PRPF6: variants seen among roughly 807,000 people sequenced by gnomAD.
The protein encoded by PRPF6 is pre-mRNA processing factor 6, also known as pre-mRNA-processing factor 6.
A neutral mutation model predicts 118.3 loss-of-function variants in PRPF6; 42 were observed. The observed-to-expected ratio is 0.35, with a 90% confidence interval of 0.28 to 0.46. PRPF6 has a LOEUF of 0.46. PRPF6 is among the 20% of genes least tolerant of loss of function. The probability of loss-of-function intolerance (pLI) is 1.00; values close to 1 mark genes in which losing one functional copy is unlikely to be tolerated. For synonymous variants in PRPF6, 481 were observed against 485.1 expected (o/e 0.99, Z 0.11); for missense variants, 662 against 1,255.7 (o/e 0.53, Z 7.15).
Position 64,028,585 on chromosome 20 carries a change from G to A in PRPF6, c.2431+16G>A, listed in dbSNP as rs772300293. 2.4e-5 allele frequency: 38 copies of A among 1,606,350 alleles called. No homozygotes were observed. The Middle Eastern group carries it at 1.0e-3, about 42-fold the overall frequency. On this transcript the variant is annotated intron_variant, in intron 18 of 20. Transcript: ENST00000266079. The surrounding 1 kb of genome is among the most constrained non-coding windows in gnomAD (Gnocchi z 6.5). ...CCCAACTCCGGTAAGGGGGTGCCCC[G>A]ACTCCGGTAAGGGGGTGCCCTGACT...
chr20:64,018,955 T>G (rs1368329860), intron 12 of PRPF6, among the ~76,000 whole-genome samples: 3 of 152,214 alleles, frequency 2.0e-5, no homozygotes, highest in African/African-American at 7.2e-5. Flanking sequence ...CACACATGAT[T>G]CTTTTGCACC....
Position 64,011,206 on chromosome 20 carries a change from G to C in PRPF6, c.1306-79G>C, listed in dbSNP as rs1298040128. 2.2e-6 allele frequency: 3 copies of C among 1,355,986 alleles called. No individual in the cohort carries two copies. The African/African-American group carries it at 4.3e-5, about 19-fold the overall frequency. 84.0% of individuals were successfully genotyped at this position (1,355,986 alleles called of 1,614,324 possible). ...AGAAAGAACGTGGTGGCCAACGCTG[G>C]AGGGTGGGTCGCTGTCTGGCCTGCA... On this transcript the variant is annotated intron_variant, in intron 10 of 20. Coordinates refer to ENST00000266079, the MANE Select transcript of PRPF6 (RefSeq NM_012469.4). The surrounding 1 kb of genome is among the most constrained non-coding windows in gnomAD (Gnocchi z 6.7).
chr20:64,028,759 G>A lies in PRPF6; in HGVS notation c.2431+190G>A, dbSNP rs909642980. On this transcript the variant is annotated intron_variant, in intron 18 of 20. Transcript: ENST00000266079. The surrounding 1 kb of genome is among the most constrained non-coding windows in gnomAD (Gnocchi z 6.5). ...TTTGTGTGAATCATTTCAGTCAAAA[G>A]TTTCAGCTATACTCGGCCGTTAAGA... is the stretch of plus-strand genomic sequence containing the variant. Among the ~76,000 whole-genome samples the A allele has an allele frequency of 3.3e-5, 5 of 152,222 alleles. No individual in the cohort carries two copies. Among genetic ancestry groups the A allele is most frequent in the African/African-American group, 7.2e-5 (3 of 41,450 alleles).
At chr20:63,992,090 T>TTTTTG (rs555691385) in intron 3 of PRPF6, among the ~76,000 whole-genome samples, 52 of 152,042 alleles carry the variant, frequency 3.4e-4, no homozygotes, top group South Asian at 1.0e-3. Flanking sequence ...TGTAGGTGTT[T>TTTTTG]TTTTGTTTTG....
intron 19 of PRPF6, among the ~76,000 whole-genome samples, chr20:64,031,237 C>T (rs2059312553): frequency 6.6e-6 from 1 of 152,248 alleles, no homozygotes; most frequent in African/African-American, 2.4e-5. Flanking sequence ...GATGATCCAG[C>T]AGGTGTCTCA....
intron 3 of PRPF6, 41 bp downstream of exon 3, chr20:63,985,066 T>TA (rs748900512): frequency 2.4e-5 from 37 of 1,573,702 alleles, no homozygotes; most frequent in Middle Eastern, 1.7e-4. Flanking sequence ...TATCCAAGTT[T>TA]AAAAAAAAGT....
Position 64,028,536 on chromosome 20 carries a change from A to G in PRPF6, c.2398A>G (p.Met800Val). The G allele has an allele frequency of 6.2e-7, 1 of 1,613,718 alleles. No homozygotes were observed. The stretch of plus-strand genomic sequence containing the variant: ...GCTGAAGAACATCGCAAATACACTC[A>G]TGGCCAAGGCGCTGCAGGAGTGCCC... The part of the protein sequence containing the change: ...AGLKNIANTL[M>V]AKALQECPNS... The change falls in exon 18 of 21, where the codon ATG (methionine) becomes GTG (valine). Residue 800 changes from methionine to valine, a missense_variant. Around this residue, in one of 10 missense-constraint regions of PRPF6, gnomAD observed 244 missense variants for 383.7 expected, o/e 0.64. Coordinates refer to ENST00000266079, the MANE Select transcript of PRPF6 (RefSeq NM_012469.4). This position sits in a 1 kb window ranked among gnomAD's most constrained non-coding sequence, Gnocchi z 6.5.
rs374606394 is a variant in PRPF6, at chr20:64,021,735, G to A, written c.1648-1022G>A. Among the ~76,000 whole-genome samples the A allele has an allele frequency of 5.6e-3, 837 of 149,332 alleles. 11 individuals are homozygous for A. In the South Asian group the frequency reaches 0.067, roughly 12 times the overall value. On this transcript the variant is annotated intron_variant, in intron 12 of 20. Coordinates refer to ENST00000266079, the MANE Select transcript of PRPF6 (RefSeq NM_012469.4). ...CTCAGCCACAGCCCCGTGTGTGTGCGTGTGTGTGTGTGCACGTATGCATAT... is the reference window on the plus strand; with the variant it reads ...CTCAGCCACAGCCCCGTGTGTGTGCATGTGTGTGTGTGCACGTATGCATAT...
intron 8 of PRPF6, among the ~76,000 whole-genome samples, 171 bp downstream of exon 8, chr20:63,999,930 A>T (rs2059159011): frequency 6.7e-6 from 1 of 149,762 alleles, no homozygotes; most frequent in Non-Finnish European, 1.5e-5. Context: ...GCTTGTTTTC[A>T]TGTGGAGTGA....
rs559656341 is a variant in PRPF6 at position 64,005,487 on chromosome 20, G to A, written c.1186+4248G>A. Among the ~76,000 whole-genome samples, 22 of 152,248 alleles carry A rather than the reference G, an allele frequency of 1.4e-4. No individual in the cohort carries two copies. In the South Asian group the frequency reaches 2.9e-3, roughly 20 times the overall value. On this transcript the variant is annotated intron_variant, in intron 9 of 20. Transcript: ENST00000266079. ...CTGTGTCTTCTCTCTATGCCTAGTC[G>A]CCTGGTTGGAGGTTAGGACTTTCCT...
At chr20:64,002,367 G>T (rs1189617635) in intron 9 of PRPF6, among the ~76,000 whole-genome samples, 3 of 146,172 alleles carry the variant, frequency 2.1e-5, no homozygotes, top group African/African-American at 7.7e-5. Flanking sequence ...ACAGAGTCTC[G>T]CTTTGTCGCC....
At chr20:63,981,479 C>T (rs544828501) in intron 1 of PRPF6, among the ~76,000 whole-genome samples, 163 bp downstream of exon 1, 1 of 152,310 alleles carries the variant, frequency 6.6e-6, no homozygotes, top group Non-Finnish European at 1.5e-5. Context: ...TCAGGACATA[C>T]CTGTGTGTGC....
At chr20:63,999,904 C>A in intron 8 of PRPF6, 145 bp downstream of exon 8, 1 of 1,079,372 alleles carries the variant, frequency 9.3e-7, no homozygotes, top group Non-Finnish European at 1.3e-6. Flanking sequence ...TGAAAAGCAG[C>A]CAAGGGCTTT....
intron 13 of PRPF6, among the ~76,000 whole-genome samples, chr20:64,023,986 C>T (rs555396150): frequency 9.9e-5 from 15 of 152,164 alleles, no homozygotes; most frequent in Non-Finnish European, 1.9e-4. Flanking sequence ...TGTGTGGTCA[C>T]TTTGTCTTGC....
In PRPF6 at chr20:64,026,956, C is replaced by T. The variant is rs368203423; in HGVS notation, c.2029-26C>T. ...CACGTACCCTGGAGCTGATGCCCTG[C>T]GTGACAGTGCATGTCTGCCCCACAG... On this transcript the variant is annotated intron_variant, in intron 15 of 20. Coordinates refer to ENST00000266079, the MANE Select transcript of PRPF6 (RefSeq NM_012469.4). This position sits in a 1 kb window ranked among gnomAD's most constrained non-coding sequence, Gnocchi z 4.4. The T allele has an allele frequency of 3.0e-4, 479 of 1,612,760 alleles. No individual in the cohort carries two copies. The highest frequency in any genetic ancestry group is 3.7e-4 in the Non-Finnish European group (442 of 1,179,378).
At chr20:64,015,178 A>G (rs903265424) in intron 11 of PRPF6, among the ~76,000 whole-genome samples, 1 of 152,196 alleles carries the variant, frequency 6.6e-6, no homozygotes, top group Non-Finnish European at 1.5e-5. Flanking sequence ...CTGACTTCCC[A>G]TGGTTTGACT....
At position 64,026,612 on chromosome 20, in the gene PRPF6, T is replaced by G. The variant is rs1224469535; in HGVS notation, c.2029-370T>G. On this transcript the variant is annotated intron_variant, in intron 15 of 20. Transcript: ENST00000266079. This position sits in a 1 kb window ranked among gnomAD's most constrained non-coding sequence, Gnocchi z 4.4. ...GGCAGGTAGATTGTGAGATCAGGAG[T>G]TCGACACCAGCCTGACCAACTCTGC... 2.6e-5 allele frequency among the ~76,000 whole-genome samples: 4 copies of G among 151,340 alleles called. No individual in the cohort carries two copies. The highest frequency in any genetic ancestry group is 4.4e-5 in the Non-Finnish European group (3 of 67,868).
At chr20:64,023,002 C>G (rs1485948006) in intron 13 of PRPF6, 124 bp downstream of exon 13, 2 of 1,466,560 alleles carry the variant, frequency 1.4e-6, no homozygotes, top group Admixed American at 1.8e-5. Context: ...GTCTGGCCCT[C>G]TGGTTGTGAT....
At chr20:64,014,607 C>T (rs187724066) in intron 11 of PRPF6, among the ~76,000 whole-genome samples, 182 of 151,906 alleles carry the variant, frequency 1.2e-3, no homozygotes, top group African/African-American at 4.2e-3. Context: ...TGCAGTGAGC[C>T]GAGATCGTGA....
Sources: gnomAD v4.1 joint callset for allele counts (sites outside exome capture counted in the v4.1 genomes callset) on GRCh38, gnomAD v4.1.1 for gene constraint, gnomAD v4.1.1 regional missense constraint, Gnocchi (gnomAD v3.1) non-coding constraint, MANE v1.5 for transcripts, NCBI Gene and HGNC (gene_info 2026-07-23, HGNC 2026-07-21) for gene names.